The following RCBTB1 variants were observed in gnomAD, a reference collection of about 807,000 sequenced individuals.
RCBTB1 encodes the protein RCC1 and BTB domain containing protein 1, also known as RCC1 and BTB domain-containing protein 1.
RCBTB1 carries 46 observed loss-of-function variants against 62.4 expected under a neutral mutation model. The ratio of observed to expected loss-of-function variants is 0.74; its 90% confidence interval spans 0.58 to 0.94. RCBTB1 has a LOEUF of 0.94. Among genes scored for constraint, RCBTB1 ranks in the 40% least tolerant of loss-of-function variants. The pLI, the probability that RCBTB1 is intolerant of heterozygous loss-of-function variation, is 0.00. For missense variants in RCBTB1, 565 were observed against 654.9 expected, an observed-to-expected ratio of 0.86 and a Z score of 1.50; for synonymous variants, 222 against 245.8, an observed-to-expected ratio of 0.90 and a Z score of 0.91.
chr13:49,556,625 G>A (rs2139209593), intron 5 of RCBTB1, among the ~76,000 whole-genome samples: 1 of 152,246 alleles, frequency 6.6e-6, no homozygotes, highest in Non-Finnish European at 1.5e-5. Flanking sequence ...TCACGTGGCT[G>A]CAGGAGGTGG....
chr13:49,563,017 T>C (rs1242820983), intron 4 of RCBTB1, among the ~76,000 whole-genome samples: 1 of 150,980 alleles, frequency 6.6e-6, no homozygotes, highest in East Asian at 1.9e-4. Flanking sequence ...TACAGAATCA[T>C]GATTATGTCA....
chr13:49,565,331 G>A (rs547373718), intron 4 of RCBTB1, among the ~76,000 whole-genome samples: 1 of 152,302 alleles, frequency 6.6e-6, no homozygotes, highest in South Asian at 2.1e-4. Flanking sequence ...ATGTTGCCCA[G>A]GCTGGAGTGC....
chr13:49,566,887 G>T, intron 3 of RCBTB1, 119 bp from the exon 4 acceptor site: 1 of 995,650 alleles, frequency 1.0e-6, no homozygotes, highest in Non-Finnish European at 1.4e-6. Context: ...AAAAGAGACT[G>T]ATATGGTTGT....
In RCBTB1 at chr13:49,533,105, T is replaced by G. The variant is rs1384592848; in HGVS notation, c.*1017A>C. 6.6e-6 allele frequency: 1 copy of G among 152,116 alleles called. No homozygotes were observed. Among genetic ancestry groups the G allele is most frequent in the Non-Finnish European group, 1.5e-5 (1 of 68,010 alleles). 9.4% of individuals were successfully genotyped at this position (152,116 alleles called of 1,614,324 possible). A position where few individuals can be genotyped will look rare whatever the true frequency, so the allele number is the denominator to read the frequency against. On this transcript the variant is annotated 3_prime_UTR_variant, in exon 13 of 13. Coordinates refer to ENST00000378302, the MANE Select transcript of RCBTB1 (RefSeq NM_018191.4). Reference sequence around the variant, plus strand: ...GATGATAAAGTTTCACATAAGCCAATGTGTGATGGATTTGGCCTAAAGTAG... The same window carrying G: ...GATGATAAAGTTTCACATAAGCCAAGGTGTGATGGATTTGGCCTAAAGTAG...
Position 49,567,330 on chromosome 13 carries a change from C to G in RCBTB1, c.-41-10G>C, listed in dbSNP as rs779316863. 26 of 1,582,372 alleles carry G rather than the reference C, an allele frequency of 1.6e-5. No individual in the cohort carries two copies. Among genetic ancestry groups the G allele is most frequent in the Non-Finnish European group, 2.2e-5 (25 of 1,161,934 alleles). ...AAATAAGCCGACATCTCTGCTGGAA[C>G]AGAAAGGATTCCAGAAAAAAATTAA... On this transcript the variant is annotated splice_polypyrimidine_tract_variant and intron_variant, in intron 2 of 12. Coordinates refer to ENST00000378302, the MANE Select transcript of RCBTB1 (RefSeq NM_018191.4).
At chr13:49,558,546 T>C (rs1467833296) in intron 5 of RCBTB1, among the ~76,000 whole-genome samples, 1 of 151,494 alleles carries the variant, frequency 6.6e-6, no homozygotes, top group Non-Finnish European at 1.5e-5. Flanking sequence ...ACAAAAAAAT[T>C]AGCCAGGCAT....
rs746184983 is a variant in RCBTB1, at chr13:49,566,786, T to C, written c.127-18A>G. ...ACAAAGACCTAGAAAATAGATAGTT[T>C]TTTTTCTGAGTCTTTTGACCGAAAG... On this transcript the variant is annotated intron_variant, in intron 3 of 12. Transcript: ENST00000378302. 3 of 1,588,688 alleles carry C rather than the reference T, an allele frequency of 1.9e-6. No individual in the cohort carries two copies. The highest frequency in any genetic ancestry group is 1.2e-5 in the South Asian group (1 of 85,854).
At chr13:49,549,134 TAAA>T (rs66645127) in intron 9 of RCBTB1, among the ~76,000 whole-genome samples, 12 of 117,282 alleles carry the variant, frequency 1.0e-4, no homozygotes, top group Non-Finnish European at 1.0e-4. Context: ...TCTGTCTCAA[TAAA>T]AAAAAAAAAA....
chr13:49,549,613 G>T lies in RCBTB1; in HGVS notation c.890C>A (p.Thr297Lys). ...CCCACCCTGCGTCTTGGCTGCAGAC[G>T]TGTGGGCAGAGTGACAGGCTGCAAT... is the stretch of plus-strand genomic sequence containing the variant. ...VEIAACHSAH[T>K]SAAKTQGGHV... Residue 297 changes from threonine to lysine, a missense_variant, in exon 9 of 13, where the codon ACG (threonine) becomes AAG (lysine). Thr to Lys is a moderately conservative substitution (Grantham distance 78, BLOSUM62 -1). Coordinates refer to ENST00000378302, the MANE Select transcript of RCBTB1 (RefSeq NM_018191.4). 6.2e-7 allele frequency: 1 copy of T among 1,613,420 alleles called. No homozygotes were observed. The highest frequency in any genetic ancestry group is 8.5e-7 in the Non-Finnish European group (1 of 1,179,606).
chr13:49,576,177 CAAAAAAAAAAA>C (rs71078868), intron 2 of RCBTB1, among the ~76,000 whole-genome samples: 15 of 39,984 alleles, frequency 3.8e-4, no homozygotes, highest in East Asian at 2.0e-3. Flanking sequence ...ACAGGCGTCG[CAAAAAAAAAAA>C]AAAAAAAAAA....
At chr13:49,534,353 T>G in intron 12 of RCBTB1, 91 bp from the exon 13 acceptor site, 1 of 1,302,244 alleles carries the variant, frequency 7.7e-7, no homozygotes, top group Non-Finnish European at 1.1e-6. Context: ...CCCAAATCTC[T>G]CACCCTCCCC....
At chr13:49,538,487 G>A (rs1409949520) in intron 12 of RCBTB1, among the ~76,000 whole-genome samples, 1 of 152,106 alleles carries the variant, frequency 6.6e-6, no homozygotes, top group East Asian at 1.9e-4. Flanking sequence ...GAGGTGGGAG[G>A]GACACTTGAG....
In RCBTB1 at chr13:49,555,579, A is replaced by G. The variant is rs1005302452; in HGVS notation, c.539T>C (p.Ile180Thr). Residue 180 changes from isoleucine to threonine, a missense_variant, in exon 6 of 13, where the codon ATT becomes ACT. Coordinates refer to ENST00000378302, the MANE Select transcript of RCBTB1 (RefSeq NM_018191.4). Reference protein sequence around the residue: ...TPRKVTNCLHIKRVVGIACGQ... With the variant: ...TPRKVTNCLHTKRVVGIACGQ... The stretch of plus-strand genomic sequence containing the variant: ...ACAGGCAATGCCAACTACCCTCTTA[A>G]TATGTAAACAGTTTGTAACTTTTCG... 2 of 1,613,738 alleles carry G rather than the reference A, an allele frequency of 1.2e-6. No homozygotes were observed. Among genetic ancestry groups the G allele is most frequent in the African/African-American group, 2.7e-5 (2 of 74,924 alleles).
intron 6 of RCBTB1, among the ~76,000 whole-genome samples, chr13:49,554,114 C>A (rs138185136): frequency 2.0e-5 from 3 of 151,982 alleles, no homozygotes; most frequent in Non-Finnish European, 4.4e-5. Flanking sequence ...TACAGGGGAG[C>A]GGGAAGCAGG....
chr13:49,564,245 A>G (rs1430233616), intron 4 of RCBTB1, among the ~76,000 whole-genome samples: 7 of 152,168 alleles, frequency 4.6e-5, no homozygotes, highest in Non-Finnish European at 5.9e-5. Flanking sequence ...CCGATTCAAG[A>G]TGCAAGCAAT....
Position 49,556,540 on chromosome 13 carries a change from G to C in RCBTB1, c.445-867C>G, listed in dbSNP as rs551493499. Among the ~76,000 whole-genome samples the C allele has an allele frequency of 3.9e-5, 6 of 152,050 alleles. No individual in the cohort carries two copies. The South Asian group carries it at 1.2e-3, about 32-fold the overall frequency. On this transcript the variant is annotated intron_variant, in intron 5 of 12. Transcript: ENST00000378302. ...TATAAACAGAGAGATGAATTAGGGAGGGAGGTGTTGGCAGTAGAGGAAATA... is the reference window on the plus strand; with the variant it reads ...TATAAACAGAGAGATGAATTAGGGACGGAGGTGTTGGCAGTAGAGGAAATA...
At chr13:49,575,434 C>CAA (rs34972735) in intron 2 of RCBTB1, among the ~76,000 whole-genome samples, 20,423 of 141,196 alleles carry the variant, frequency 0.14, 2,207 homozygotes, top group East Asian at 0.33. Context: ...ATTGTTCTAC[C>CAA]AAAAAAAAAA....
At position 49,555,611 on chromosome 13, in the gene RCBTB1, T is replaced by C; in HGVS notation, c.507A>G (p.Pro169=). Residue 169 remains proline, a synonymous_variant, in exon 6 of 13, where the codon CCA becomes CCG. Transcript: ENST00000378302. The part of the protein sequence containing the change: ...QVGSGSTANQ[P]TPRKVTNCLH... ...AACAGTTTGTAACTTTTCGAGGAGT[T>C]GGTTGATTTGCTGTAGAACCTGATC... 1 of 1,613,378 alleles carries C rather than the reference T, an allele frequency of 6.2e-7. No individual in the cohort carries two copies.
Position 49,551,449 on chromosome 13 carries a change from TGTGC to T in RCBTB1, c.727_730del (p.Ala243IlefsTer3). 2 of 1,614,138 alleles carry T rather than the reference TGTGC, an allele frequency of 1.2e-6. No homozygotes were observed. Among genetic ancestry groups the T allele is most frequent in the Non-Finnish European group, 1.7e-6 (2 of 1,180,008 alleles). On this transcript the variant is annotated frameshift_variant, in exon 8 of 13. Transcript: ENST00000378302. LOFTEE classifies it high-confidence loss of function. ...GCCCTCATCTGTTAGTGCTAGAGTA[TGTGC>T]GTAACCGCAGACAATCTGCAAGTAA...
Sources: gnomAD v4.1 joint callset for allele counts (sites outside exome capture counted in the v4.1 genomes callset) on GRCh38, gnomAD v4.1.1 for gene constraint, MANE v1.5 for transcripts, NCBI Gene and HGNC (gene_info 2026-07-23, HGNC 2026-07-21) for gene names.